RAD51B: variants seen among roughly 807,000 people sequenced by gnomAD.
RAD51B encodes the protein DNA repair protein RAD51 homolog 2.
RAD51B carries 38 observed loss-of-function variants against 42.2 expected under a neutral mutation model. That is an observed-to-expected ratio of 0.90 (90% CI 0.70 to 1.18). The LOEUF (loss-of-function observed/expected upper bound fraction) is 1.18. RAD51B is among the 50% of genes most tolerant of loss of function. The pLI is 0.00. For missense variants in RAD51B, 373 were observed against 400.7 expected, an observed-to-expected ratio of 0.93 and a Z score of 0.59; for synonymous variants, 154 against 145.2, an observed-to-expected ratio of 1.06 and a Z score of -0.43.
chr14:67,927,548 GA>G (rs2044560636), intron 7 of RAD51B, among the ~76,000 whole-genome samples: 1 of 152,084 alleles, frequency 6.6e-6, no homozygotes, highest in Non-Finnish European at 1.5e-5. Context: ...TCCATGAGAT[GA>G]AGTTTTTTAG....
intron 4 of RAD51B, among the ~76,000 whole-genome samples, chr14:67,846,074 G>A (rs767150979): frequency 1.8e-4 from 27 of 152,134 alleles, no homozygotes; most frequent in Non-Finnish European, 2.9e-4. Flanking sequence ...GCCAAATTGC[G>A]TTGTTGGGGT....
chr14:68,270,878 T>C (rs570898612), intron 7 of RAD51B, among the ~76,000 whole-genome samples: 3 of 152,348 alleles, frequency 2.0e-5, no homozygotes. Context: ...GCCCTTGGCT[T>C]TTTAACTTTT....
chr14:68,099,717 G>A (rs191607301), intron 7 of RAD51B, among the ~76,000 whole-genome samples: 1 of 152,316 alleles, frequency 6.6e-6, no homozygotes, highest in East Asian at 1.9e-4. Flanking sequence ...GCAGCTGACA[G>A]GTGGAATGAC....
At chr14:68,193,705 A>G (rs1279858029) in intron 7 of RAD51B, among the ~76,000 whole-genome samples, 1 of 152,222 alleles carries the variant, frequency 6.6e-6, no homozygotes, top group Admixed American at 6.5e-5. Context: ...AGAACACAAG[A>G]TGATATACCT....
intron 10 of RAD51B, among the ~76,000 whole-genome samples, chr14:68,498,254 A>G (rs952423240): frequency 6.6e-6 from 1 of 152,362 alleles, no homozygotes; most frequent in African/African-American, 2.4e-5. Context: ...AATTTTTCAC[A>G]AACATGCAGG....
chr14:68,263,568 T>C (rs1879763695), intron 7 of RAD51B, among the ~76,000 whole-genome samples: 1 of 152,268 alleles, frequency 6.6e-6, no homozygotes, highest in African/African-American at 2.4e-5. Flanking sequence ...TTAACATTAG[T>C]TACCTATACA....
intron 9 of RAD51B, among the ~76,000 whole-genome samples, chr14:68,452,723 C>T (rs2085587923): frequency 1.3e-5 from 2 of 151,754 alleles, no homozygotes; most frequent in African/African-American, 2.4e-5. Context: ...TAATATTTCT[C>T]AGGTTCCTAT....
chr14:68,379,526 C>T (rs2083437335), intron 8 of RAD51B, among the ~76,000 whole-genome samples: 1 of 152,064 alleles, frequency 6.6e-6, no homozygotes, highest in Non-Finnish European at 1.5e-5. Context: ...ACTTTGTCTG[C>T]CTGCAGTTAA....
chr14:68,461,868 CCTTCCACG>C (rs774677099), intron 9 of RAD51B, among the ~76,000 whole-genome samples: 9 of 152,160 alleles, frequency 5.9e-5, no homozygotes, highest in Non-Finnish European at 8.8e-5. Context: ...GGCCAATTTT[CCTTCCACG>C]CTTTATTTAG....
At chr14:67,848,224 G>A (rs1377327669) in intron 4 of RAD51B, among the ~76,000 whole-genome samples, 6 of 152,018 alleles carry the variant, frequency 3.9e-5, no homozygotes, top group East Asian at 1.9e-4. Flanking sequence ...TCACCATGTC[G>A]GCCAGGATGG....
At chr14:68,411,666 A>T in intron 9 of RAD51B, 139 bp downstream of exon 9, 2 of 701,822 alleles carry the variant, frequency 2.8e-6, no homozygotes, top group Non-Finnish European at 4.8e-6. Flanking sequence ...AGAAACCAGC[A>T]TTTCTGCTTG....
chr14:67,939,041 C>T (rs987561425), intron 7 of RAD51B, among the ~76,000 whole-genome samples: 1 of 152,102 alleles, frequency 6.6e-6, no homozygotes, highest in African/African-American at 2.4e-5. Flanking sequence ...ATTTGAGAGA[C>T]TAGTTGAAAA....
Position 67,899,202 on chromosome 14 carries a change from C to G in RAD51B, c.756+11998C>G, listed in dbSNP as rs576055201. ...GGACTATAGGCACCCGCCACCACGC[C>G]CGGCTAATTTTTTTTTTTTTATATT... On this transcript the variant is annotated intron_variant, in intron 7 of 10. Coordinates refer to ENST00000471583, the MANE Select transcript of RAD51B (RefSeq NM_133510.4). 5.3e-5 allele frequency among the ~76,000 whole-genome samples: 8 copies of G among 152,008 alleles called. No individual in the cohort carries two copies. The East Asian group carries it at 1.5e-3, about 29-fold the overall frequency.
At chr14:68,616,021 G>A (rs1356526608), downstream of RAD51B, among the ~76,000 whole-genome samples, 5 of 152,140 alleles carry the variant, frequency 3.3e-5, no homozygotes, top group East Asian at 1.9e-4. Context: ...TGAAGTGAGG[G>A]TTCTTTTTTG....
At chr14:68,327,708 ATCT>A (rs2139788324) in intron 8 of RAD51B, among the ~76,000 whole-genome samples, 1 of 142,128 alleles carries the variant, frequency 7.0e-6, no homozygotes, top group Admixed American at 7.5e-5. Flanking sequence ...GTAGATATTA[ATCT>A]TCGAGAAGGT....
intron 7 of RAD51B, among the ~76,000 whole-genome samples, chr14:67,946,094 AT>A (rs1395883922): frequency 6.6e-6 from 1 of 152,114 alleles, no homozygotes; most frequent in Admixed American, 6.5e-5. Flanking sequence ...TGAATTTGGG[AT>A]TTGAAAATCC....
chr14:68,668,432 C>A lies in RAD51B; in HGVS notation c.*11+17576C>A, dbSNP rs573031963. 2.0e-5 allele frequency among the ~76,000 whole-genome samples: 3 copies of A among 152,358 alleles called. No homozygotes were observed. In the East Asian group the frequency reaches 5.8e-4, roughly 29 times the overall value. On this transcript the variant is annotated intron_variant, in intron 11 of 11. Coordinates refer to the RAD51B transcript ENST00000488612. ...ATTCCACTCCACTTCCCGGCCTCCC[C>A]TGCCGTTAGGTGGAGGCCATATGAC...
chr14:68,103,051 A>G (rs1010100026), intron 7 of RAD51B, among the ~76,000 whole-genome samples: 6 of 152,112 alleles, frequency 3.9e-5, no homozygotes. Context: ...GAAGAACAGC[A>G]TGGGGGTAAC....
chr14:67,942,539 G>A (rs2045244455), intron 7 of RAD51B, among the ~76,000 whole-genome samples: 1 of 152,108 alleles, frequency 6.6e-6, no homozygotes, highest in African/African-American at 2.4e-5. Context: ...AATTGTTTTT[G>A]CTGATCCAAA....
Sources: allele counts gnomAD v4.1 joint callset (sites outside exome capture counted in the v4.1 genomes callset), GRCh38; gene constraint gnomAD v4.1.1; transcripts MANE v1.5; gene names NCBI Gene and HGNC (gene_info 2026-07-23, HGNC 2026-07-21).